The following VAMP4 variants were observed in gnomAD, a reference collection of about 807,000 sequenced individuals.
VAMP4 encodes vesicle-associated membrane protein 4.
A neutral mutation model predicts 23.5 loss-of-function variants in VAMP4; 19 were observed. The ratio of observed to expected loss-of-function variants is 0.81; its 90% confidence interval spans 0.56 to 1.19. The LOEUF is 1.19. VAMP4 is among the 50% of genes most tolerant of loss of function. VAMP4 has a pLI of 0.00. For missense variants in VAMP4, 145 were observed against 168.6 expected (o/e 0.86, Z 0.78); for synonymous variants, 31 against 51.0 (o/e 0.61, Z 1.67).
intron 6 of VAMP4, 103 bp from the exon 7 acceptor site, chr1:171,706,521 C>G (rs1654657762): frequency 9.5e-7 from 1 of 1,055,234 alleles, no homozygotes; most frequent in Admixed American, 2.8e-5. Context: ...ATCTCATCAC[C>G]TTAAGGTTTC....
At chr1:171,734,093 C>T (rs764186574) in intron 2 of VAMP4, among the ~76,000 whole-genome samples, 1 of 151,912 alleles carries the variant, frequency 6.6e-6, no homozygotes, top group Non-Finnish European at 1.5e-5. Context: ...CATGGTGGAA[C>T]CCCATCTCTA....
At chr1:171,736,780 C>A (rs1655755344) in intron 2 of VAMP4, among the ~76,000 whole-genome samples, 1 of 152,100 alleles carries the variant, frequency 6.6e-6, no homozygotes, top group South Asian at 2.1e-4. Flanking sequence ...AATTTGAGAC[C>A]AGCCTGGGCA....
chr1:171,713,618 A>G (rs1003171979), intron 4 of VAMP4, among the ~76,000 whole-genome samples: 9 of 152,132 alleles, frequency 5.9e-5, no homozygotes, highest in Non-Finnish European at 1.2e-4. Context: ...GGATCCCCTG[A>G]GCCTGGGAGT....
At position 171,716,758 on chromosome 1, in the gene VAMP4, G is replaced by A. The variant is rs200881225; in HGVS notation, c.164+2413C>T. ...TAGCAATTTTGGGTACTAAAATAAC[G>A]CCAGGGATTTGTCATTGGGTAAGTT... On this transcript the variant is annotated intron_variant, in intron 4 of 7. Coordinates refer to ENST00000236192, the MANE Select transcript of VAMP4 (RefSeq NM_003762.5). Among the ~76,000 whole-genome samples, 11 of 152,240 alleles carry A rather than the reference G, an allele frequency of 7.2e-5. No homozygotes were observed. The East Asian group carries it at 2.1e-3, about 29-fold the overall frequency.
intron 3 of VAMP4, among the ~76,000 whole-genome samples, chr1:171,721,679 T>C (rs1453733205): frequency 1.3e-5 from 2 of 152,118 alleles, no homozygotes; most frequent in South Asian, 2.1e-4. Context: ...ATAAAATACC[T>C]AGGCATCCAA....
At position 171,706,363 on chromosome 1, in the gene VAMP4, T is replaced by G; in HGVS notation, c.397+4A>C. On this transcript the variant is annotated splice_donor_region_variant and intron_variant, in intron 7 of 7. Coordinates refer to ENST00000236192, the MANE Select transcript of VAMP4 (RefSeq NM_003762.5). ...TAGGAAGTAATAATCCAATAAATAC[T>G]TACTGATAATCACTAGCAAAAGGAT... The G allele has an allele frequency of 6.2e-7, 1 of 1,607,404 alleles. No homozygotes were observed.
chr1:171,704,894 AAAGAG>A (rs1454917872), intron 7 of VAMP4, among the ~76,000 whole-genome samples: 5 of 152,090 alleles, frequency 3.3e-5, no homozygotes, highest in African/African-American at 1.2e-4. Context: ...ATTAATAGGA[AAAGAG>A]AAGTATATAT....
chr1:171,702,842 T>G lies in VAMP4; in HGVS notation c.*1664A>C, dbSNP rs1323630176. 4 of 152,018 alleles carry G rather than the reference T, an allele frequency of 2.6e-5. No individual in the cohort carries two copies. Among genetic ancestry groups the G allele is most frequent in the Admixed American group, 2.6e-4 (4 of 15,252 alleles). The allele number at this position is 152,018 out of a possible 1,614,324, so 9.4% of individuals were successfully genotyped here. ...TGTAAGACCTTTATCTCCTTCTAAA[T>G]GCTCTAAGCAAACTATAAAATTTAG... On this transcript the variant is annotated 3_prime_UTR_variant, in exon 8 of 8. Coordinates refer to ENST00000236192, the MANE Select transcript of VAMP4 (RefSeq NM_003762.5).
chr1:171,737,009 A>G (rs1412994076), intron 2 of VAMP4, among the ~76,000 whole-genome samples: 3 of 152,300 alleles, frequency 2.0e-5, no homozygotes, highest in African/African-American at 7.2e-5. Flanking sequence ...AGAAACACAC[A>G]AAACCGCAAA....
intron 5 of VAMP4, among the ~76,000 whole-genome samples, chr1:171,710,210 T>G (rs1654803935): frequency 6.7e-6 from 1 of 149,680 alleles, no homozygotes; most frequent in Admixed American, 6.7e-5. Context: ...TTCTAAAGTC[T>G]GTCAAAGATT....
At chr1:171,729,326 C>T (rs113673242) in intron 2 of VAMP4, among the ~76,000 whole-genome samples, 34 of 152,246 alleles carry the variant, frequency 2.2e-4, no homozygotes, top group African/African-American at 6.7e-4. Flanking sequence ...TATAAGGAAA[C>T]ATCTTGGGGA....
At chr1:171,710,277 A>G (rs1654808110) in intron 5 of VAMP4, among the ~76,000 whole-genome samples, 1 of 151,780 alleles carries the variant, frequency 6.6e-6, no homozygotes, top group African/African-American at 2.4e-5. Flanking sequence ...CGTGCCAGGT[A>G]TAGGTATAGG....
Position 171,701,444 on chromosome 1 carries a change from GT to G in VAMP4, c.*3061del, listed in dbSNP as rs1654430235. On this transcript the variant is annotated 3_prime_UTR_variant, in exon 8 of 8. Transcript: ENST00000236192. ...ATGATGCTGACAAGGCATCAAGCATGTTTTAGAGTATACCGGCAATGAGAGA... is the reference window on the plus strand; with the variant it reads ...ATGATGCTGACAAGGCATCAAGCATGTTTAGAGTATACCGGCAATGAGAGA... 6.6e-6 allele frequency: 1 copy of G among 152,180 alleles called. No homozygotes were observed. The highest frequency in any genetic ancestry group is 6.6e-5 in the Admixed American group (1 of 15,262). The allele number at this position is 152,180 out of a possible 1,614,324, so 9.4% of individuals were successfully genotyped here.
At chr1:171,723,621 C>CT (rs1391044944) in intron 3 of VAMP4, among the ~76,000 whole-genome samples, 2 of 152,144 alleles carry the variant, frequency 1.3e-5, no homozygotes, top group Non-Finnish European at 2.9e-5. Flanking sequence ...TTATCCTGTT[C>CT]TTTTTTCAAG....
chr1:171,733,354 T>C (rs907111286), intron 2 of VAMP4, among the ~76,000 whole-genome samples: 2 of 147,044 alleles, frequency 1.4e-5, no homozygotes, highest in Non-Finnish European at 3.0e-5. Flanking sequence ...TAATACCAGC[T>C]ACTCTGAAGG....
Position 171,702,715 on chromosome 1 carries a change from T to G in VAMP4, c.*1791A>C, listed in dbSNP as rs1177031338. On this transcript the variant is annotated 3_prime_UTR_variant, in exon 8 of 8. Coordinates refer to ENST00000236192, the MANE Select transcript of VAMP4 (RefSeq NM_003762.5). The stretch of plus-strand genomic sequence containing the variant: ...GAAATTCTAAAAATGCTCATTTTTC[T>G]GGGTATCTTAACTTAAAAGATTTAT... 1.3e-5 allele frequency: 2 copies of G among 152,058 alleles called. No individual in the cohort carries two copies. Among genetic ancestry groups the G allele is most frequent in the Non-Finnish European group, 2.9e-5 (2 of 67,878 alleles). The allele number at this position is 152,058 out of a possible 1,614,324, so 9.4% of individuals were successfully genotyped here.
At chr1:171,721,072 C>A (rs1006293483) in intron 3 of VAMP4, among the ~76,000 whole-genome samples, 1 of 151,894 alleles carries the variant, frequency 6.6e-6, no homozygotes, top group Non-Finnish European at 1.5e-5. Context: ...TCAATAGATA[C>A]AAAATAAATG....
At chr1:171,717,364 C>T (rs550573688) in intron 4 of VAMP4, among the ~76,000 whole-genome samples, 1 of 152,244 alleles carries the variant, frequency 6.6e-6, no homozygotes, top group African/African-American at 2.4e-5. Flanking sequence ...TGAACTACAG[C>T]TAATTTGAGT....
rs1654573765 is a variant in VAMP4 at position 171,704,219 on chromosome 1, A to G, written c.*287T>C. ...GAAATATTATAATCAGTGTTTATAT[A>G]CACAAATAATGAACTGGCAAGTATC... On this transcript the variant is annotated 3_prime_UTR_variant, in exon 8 of 8. Transcript: ENST00000236192. The G allele has an allele frequency of 4.4e-6, 1 of 228,914 alleles. No individual in the cohort carries two copies. The highest frequency in any genetic ancestry group is 5.7e-5 in the Admixed American group (1 of 17,604). 14.2% of individuals were successfully genotyped at this position (228,914 alleles called of 1,614,324 possible). A position where few individuals can be genotyped will look rare whatever the true frequency, so the allele number is the denominator to read the frequency against.
Sources: gnomAD v4.1 joint callset for allele counts (sites outside exome capture counted in the v4.1 genomes callset) on GRCh38, gnomAD v4.1.1 for gene constraint, MANE v1.5 for transcripts, NCBI Gene and HGNC (gene_info 2026-07-23, HGNC 2026-07-21) for gene names.